DNAH12: variants seen among roughly 807,000 people sequenced by gnomAD.
DNAH12 encodes dynein axonemal heavy chain 12.
DNAH12 carries 285 observed loss-of-function variants against 371.5 expected under a neutral mutation model. That is an observed-to-expected ratio of 0.77 (90% CI 0.70 to 0.85). The LOEUF (loss-of-function observed/expected upper bound fraction) is 0.85. DNAH12 is among the 40% of genes least tolerant of loss of function. The pLI is 0.00. For synonymous variants in DNAH12, 1,200 were observed against 1,213.0 expected (o/e 0.99, Z 0.22); for missense variants, 3,611 against 3,689.4 (o/e 0.98, Z 0.55).
At chr3:57,509,263 T>C (rs1234779201) in intron 5 of DNAH12, 51 bp from the exon 6 acceptor site, 1 of 1,527,730 alleles carries the variant, frequency 6.5e-7, no homozygotes, top group African/African-American at 1.4e-5. Context: ...GCACAATCTA[T>C]TAATATCAAA....
intron 59 of DNAH12, among the ~76,000 whole-genome samples, chr3:57,353,634 C>T (rs1308492537): frequency 6.6e-6 from 1 of 152,048 alleles, no homozygotes; most frequent in Non-Finnish European, 1.5e-5. Context: ...GTACATCTGA[C>T]AAAGATCTAA....
At chr3:57,334,290 T>C (rs914517034) in intron 62 of DNAH12, among the ~76,000 whole-genome samples, 175 bp downstream of exon 62, 3 of 152,120 alleles carry the variant, frequency 2.0e-5, no homozygotes, top group Non-Finnish European at 4.4e-5. Context: ...TAACCAAAAA[T>C]ATTCCTAAAT....
intron 22 of DNAH12, among the ~76,000 whole-genome samples, chr3:57,455,723 T>C (rs1007597599): frequency 1.3e-5 from 2 of 152,344 alleles, no homozygotes; most frequent in African/African-American, 2.4e-5. Context: ...AAAACCTATA[T>C]GACCAGGGTA....
At chr3:57,454,737 G>C in intron 23 of DNAH12, 38 bp downstream of exon 23, 3 of 1,544,732 alleles carry the variant, frequency 1.9e-6, no homozygotes, top group African/African-American at 1.4e-5. Flanking sequence ...AAAAAACCTG[G>C]AATGAAGGAT....
intron 2 of DNAH12, among the ~76,000 whole-genome samples, chr3:57,539,382 T>C (rs186771095): frequency 2.6e-5 from 4 of 152,366 alleles, no homozygotes; most frequent in Admixed American, 2.0e-4. Context: ...AGGTTCATGA[T>C]ACTCTAGAGA....
At chr3:57,319,326 A>G (rs2061753824) in intron 65 of DNAH12, among the ~76,000 whole-genome samples, 1 of 152,124 alleles carries the variant, frequency 6.6e-6, no homozygotes. Context: ...AACAAGGACA[A>G]TTTTACTTCT....
At chr3:57,371,584 C>T (rs1223051514) in intron 55 of DNAH12, among the ~76,000 whole-genome samples, 1 of 151,506 alleles carries the variant, frequency 6.6e-6, no homozygotes, top group African/African-American at 2.4e-5. Context: ...GAGGCTGAGC[C>T]CAGGAGGTCA....
At position 57,446,117 on chromosome 3, in the gene DNAH12, C is replaced by T. The variant is rs1320361656; in HGVS notation, c.4093G>A (p.Glu1365Lys). The stretch of plus-strand genomic sequence containing the variant: ...AAACAATTCGGATTGAGCTTAAGTT[C>T]TGTCCCTTCAAAAACAAACACAACC... Reference protein sequence around the residue: ...KLVVFVFEGTELKLNPNCFVA... With the variant: ...KLVVFVFEGTKLKLNPNCFVA... Residue 1365 changes from glutamate (E) to lysine (K), a missense_variant, in exon 27 of 74, where the codon GAA becomes AAA. Transcript: ENST00000495027. 6.4e-7 allele frequency: 1 copy of T among 1,551,700 alleles called. No individual in the cohort carries two copies. Among genetic ancestry groups the T allele is most frequent in the Non-Finnish European group, 8.7e-7 (1 of 1,146,992 alleles).
At chr3:57,357,987 CTCT>C (rs2062839120) in intron 58 of DNAH12, among the ~76,000 whole-genome samples, 1 of 152,158 alleles carries the variant, frequency 6.6e-6, no homozygotes. Flanking sequence ...AAGATAATAG[CTCT>C]TCAACTCAAT....
At chr3:57,447,586 GATAA>G (rs1301940781) in intron 25 of DNAH12, among the ~76,000 whole-genome samples, 1 of 152,118 alleles carries the variant, frequency 6.6e-6, no homozygotes. Flanking sequence ...ACCACAAAGT[GATAA>G]ATATTTTTAC....
intron 66 of DNAH12, among the ~76,000 whole-genome samples, chr3:57,313,084 A>G (rs1311319290): frequency 2.0e-5 from 3 of 152,216 alleles, no homozygotes; most frequent in African/African-American, 7.2e-5. Flanking sequence ...ACAGCAAAAG[A>G]GCAGAAAAAT....
chr3:57,352,116 A>C lies in DNAH12; in HGVS notation c.9643T>G (p.Phe3215Val). ...AGATTGGCACATAATAAAAAGGAAA[A>C]TAACAGCTTGTCCTTCTCAAATAGT... ...RSLFEKDKLLFSFLLCANLLL... is the reference protein window; with the variant it reads ...RSLFEKDKLLVSFLLCANLLL... The change falls in exon 60 of 74, where the codon TTT (phenylalanine) becomes GTT (valine). Residue 3215 changes from phenylalanine (F) to valine (V), a missense_variant. Phe to Val is a conservative substitution (Grantham distance 50, BLOSUM62 -1). Around this residue, in one of 3 missense-constraint regions of DNAH12, gnomAD observed 2,266 missense variants for 2,236.9 expected, o/e 1.01. Coordinates refer to ENST00000495027, the MANE Select transcript of DNAH12 (RefSeq NM_001366028.2). 6.5e-7 allele frequency: 1 copy of C among 1,530,090 alleles called. No individual in the cohort carries two copies. Among genetic ancestry groups the C allele is most frequent in the Non-Finnish European group, 8.8e-7 (1 of 1,141,588 alleles). 94.8% of individuals were successfully genotyped at this position (1,530,090 alleles called of 1,614,324 possible). A position where few individuals can be genotyped will look rare whatever the true frequency, so the allele number is the denominator to read the frequency against.
chr3:57,298,472 A>G (rs2061279017), intron 70 of DNAH12, among the ~76,000 whole-genome samples: 2 of 152,214 alleles, frequency 1.3e-5, no homozygotes, highest in Admixed American at 6.5e-5. Context: ...CAAGATATCC[A>G]TGTTTGCACC....
chr3:57,537,149 G>A (rs573607496), intron 2 of DNAH12, among the ~76,000 whole-genome samples: 59 of 152,078 alleles, frequency 3.9e-4, no homozygotes, highest in Admixed American at 1.7e-3. Context: ...AACAGAGATC[G>A]CACCACTGCC....
chr3:57,315,312 A>G (rs1247853605), intron 65 of DNAH12, among the ~76,000 whole-genome samples: 1 of 151,684 alleles, frequency 6.6e-6, no homozygotes. Context: ...CATATAATGC[A>G]GTAGTAGACA....
intron 66 of DNAH12, among the ~76,000 whole-genome samples, chr3:57,313,325 G>A (rs1269469736): frequency 6.6e-6 from 1 of 152,004 alleles, no homozygotes; most frequent in East Asian, 1.9e-4. Flanking sequence ...GCAAGACCCT[G>A]TCTCTACAAA....
At chr3:57,372,406 T>G (rs2063194083) in intron 55 of DNAH12, among the ~76,000 whole-genome samples, 2 of 151,880 alleles carry the variant, frequency 1.3e-5, no homozygotes, top group Non-Finnish European at 1.5e-5. Context: ...TCAAAGAAAT[T>G]AAGAGTTCCC....
At chr3:57,543,351 C>A (rs778345940) in intron 1 of DNAH12, among the ~76,000 whole-genome samples, 23 of 85,302 alleles carry the variant, frequency 2.7e-4, no homozygotes, top group South Asian at 8.1e-4. Context: ...GAGACAGATT[C>A]TTGCTCTGTC....
intron 39 of DNAH12, among the ~76,000 whole-genome samples, chr3:57,409,548 T>C (rs1196709735): frequency 2.0e-5 from 3 of 152,066 alleles, no homozygotes; most frequent in East Asian, 1.9e-4. Context: ...AATAGACTTA[T>C]ATAGAAAAAA....
Sources: gnomAD v4.1 joint callset for allele counts (sites outside exome capture counted in the v4.1 genomes callset) on GRCh38, gnomAD v4.1.1 for gene constraint, gnomAD v4.1.1 regional missense constraint, MANE v1.5 for transcripts, NCBI Gene and HGNC (gene_info 2026-07-23, HGNC 2026-07-21) for gene names.